The following CYSRT1 variants were observed in gnomAD, a reference collection of about 807,000 sequenced individuals.
CYSRT1 encodes the protein cysteine-rich tail protein 1.
A neutral mutation model predicts 6.2 loss-of-function variants in CYSRT1; 7 were observed. That is an observed-to-expected ratio of 1.13 (90% confidence interval 0.64 to 2.13). CYSRT1 has a LOEUF of 2.13. Ranked by LOEUF, CYSRT1 falls within the 30% of genes most tolerant of loss-of-function variation. The probability of loss-of-function intolerance (pLI) is 0.00; values close to 1 mark genes in which losing one functional copy is unlikely to be tolerated. For synonymous variants in CYSRT1, 75 were observed against 83.1 expected (o/e 0.90, Z 0.53); for missense variants, 188 against 196.4 (o/e 0.96, Z 0.26).
chr9:137,226,143 C>A lies in CYSRT1; in HGVS notation c.*87C>A. ...GGACATGCCGGGACATGCGGGGTGG[C>A]TGTTGTCATGGGCGTCTGCCCCTTC... On this transcript the variant is annotated 3_prime_UTR_variant, in exon 2 of 2. Coordinates refer to ENST00000650725, the MANE Select transcript of CYSRT1 (RefSeq NM_199001.5). 1 of 1,492,244 alleles carries A rather than the reference C, an allele frequency of 6.7e-7. No individual in the cohort carries two copies. The highest frequency in any genetic ancestry group is 2.5e-5 in the East Asian group (1 of 39,984). 92.4% of individuals were successfully genotyped at this position (1,492,244 alleles called of 1,614,324 possible).
intron 1 of CYSRT1, 27 bp from the exon 2 acceptor site, chr9:137,225,587 G>A: frequency 6.5e-7 from 1 of 1,536,504 alleles, no homozygotes; most frequent in Non-Finnish European, 8.8e-7. Context: ...CTGAGTTCAT[G>A]TCTGTCTTCT....
In CYSRT1 at chr9:137,226,101, T is replaced by C; in HGVS notation, c.*45T>C. The C allele has an allele frequency of 6.5e-7, 1 of 1,531,374 alleles. No individual in the cohort carries two copies. The highest frequency in any genetic ancestry group is 8.8e-7 in the Non-Finnish European group (1 of 1,133,900). 94.9% of individuals were successfully genotyped at this position (1,531,374 alleles called of 1,614,324 possible). On this transcript the variant is annotated 3_prime_UTR_variant, in exon 2 of 2. Transcript: ENST00000650725. ...GCCAGGACCCAGACTTCAGCAAATG[T>C]GGCTCACACAGTGCCGGGACATGCC...
rs1835960729 is a variant in CYSRT1, at chr9:137,225,842, G to A, written c.221G>A (p.Gly74Glu). ...PGPKGAKGNQ[G>E]AAPIQNQQAW... Reference sequence around the variant, plus strand: ...CCCAAGGGCGCCAAGGGTAACCAGGGGGCTGCCCCCATCCAGAACCAGCAG... The same window carrying A: ...CCCAAGGGCGCCAAGGGTAACCAGGAGGCTGCCCCCATCCAGAACCAGCAG... The change falls in exon 2 of 2, where the codon GGG becomes GAG. Residue 74 changes from glycine (G) to glutamate (E), a missense_variant. Physicochemically the swap from Gly to Glu is moderately conservative, Grantham distance 98 (BLOSUM62 -2). Coordinates refer to ENST00000650725, the MANE Select transcript of CYSRT1 (RefSeq NM_199001.5). 1.3e-6 allele frequency: 2 copies of A among 1,547,616 alleles called. No individual in the cohort carries two copies. Among genetic ancestry groups the A allele is most frequent in the Non-Finnish European group, 1.7e-6 (2 of 1,146,854 alleles).
rs1835974576 is a variant in CYSRT1, at chr9:137,226,253, G to A, written c.*197G>A. The A allele has an allele frequency of 3.0e-5, 30 of 1,009,002 alleles. No individual in the cohort carries two copies. The South Asian group carries it at 5.2e-4, about 17-fold the overall frequency. The allele number at this position is 1,009,002 out of a possible 1,614,324, so 62.5% of individuals were successfully genotyped here. A position where few individuals can be genotyped will look rare whatever the true frequency, so the allele number is the denominator to read the frequency against. ...AACGGAATCCCAGGTCCTGGCTGGA[G>A]AGGGACACCCCTGATTACCTTAAGG... On this transcript the variant is annotated 3_prime_UTR_variant, in exon 2 of 2. Transcript: ENST00000650725.
Position 137,225,944 on chromosome 9 carries a change from C to T in CYSRT1, c.323C>T (p.Ala108Val), listed in dbSNP as rs6606566. The T allele has an allele frequency of 0.8, 1,241,931 of 1,547,456 alleles. 499,387 individuals are homozygous for T. Among genetic ancestry groups the T allele is most frequent in the East Asian group, 0.92 (37,714 of 40,896 alleles). Residue 108 changes from alanine to valine, a missense_variant, in exon 2 of 2, where the codon GCG (alanine) becomes GTG (valine). Physicochemically the swap from Ala to Val is moderately conservative, Grantham distance 64. Coordinates refer to ENST00000650725, the MANE Select transcript of CYSRT1 (RefSeq NM_199001.5). ...AGLTYAGPPPAGRGDDIAHHC... is the reference protein window; with the variant it reads ...AGLTYAGPPPVGRGDDIAHHC... ...CTGACCTACGCTGGCCCTCCGCCCG[C>T]GGGGCGCGGGGATGACATCGCCCAC...
Position 137,225,714 on chromosome 9 carries a change from G to C in CYSRT1, c.93G>C (p.Glu31Asp), listed in dbSNP as rs1171861897. Residue 31 changes from glutamate to aspartate, a missense_variant, in exon 2 of 2, where the codon GAG (glutamate) becomes GAC (aspartate). Glu to Asp is a conservative substitution (Grantham distance 45). Coordinates refer to ENST00000650725, the MANE Select transcript of CYSRT1 (RefSeq NM_199001.5). The stretch of plus-strand genomic sequence containing the variant: ...GGCCTGACCTGGGGCAGCAGTTAGA[G>C]GTGGCTTCCACCTGTTCCTCATCCT... ...HLRPDLGQQL[E>D]VASTCSSSSE... 1.3e-6 allele frequency: 2 copies of C among 1,550,252 alleles called. No individual in the cohort carries two copies. The highest frequency in any genetic ancestry group is 3.9e-5 in the Admixed American group (2 of 50,986).
chr9:137,225,933 C>A lies in CYSRT1; in HGVS notation c.312C>A (p.Gly104=). 1.9e-6 allele frequency: 3 copies of A among 1,547,198 alleles called. No homozygotes were observed. Among genetic ancestry groups the A allele is most frequent in the Non-Finnish European group, 2.6e-6 (3 of 1,146,498 alleles). The change falls in exon 2 of 2, where the codon GGC becomes GGA. Residue 104 remains glycine, a synonymous_variant. Coordinates refer to ENST00000650725, the MANE Select transcript of CYSRT1 (RefSeq NM_199001.5). ...GCCAGGCCGGACTGACCTACGCTGG[C>A]CCTCCGCCCGCGGGGCGCGGGGATG... ...SQRQAGLTYA[G]PPPAGRGDDI... is the part of the protein sequence containing the mutation.
chr9:137,225,971 A>ACTG lies in CYSRT1; in HGVS notation c.361_363dup (p.Cys121dup). On this transcript the variant is annotated inframe_insertion, in exon 2 of 2. Coordinates refer to ENST00000650725, the MANE Select transcript of CYSRT1 (RefSeq NM_199001.5). ...GGGCGCGGGGATGACATCGCCCACC[A>ACTG]CTGCTGCTGCTGCCCCTGCTGCCAC... 1 of 1,546,944 alleles carries ACTG rather than the reference A, an allele frequency of 6.5e-7. No individual in the cohort carries two copies. The highest frequency in any genetic ancestry group is 8.7e-7 in the Non-Finnish European group (1 of 1,145,160).
chr9:137,226,099 T>A lies in CYSRT1; in HGVS notation c.*43T>A. 6.5e-7 allele frequency: 1 copy of A among 1,533,198 alleles called. No homozygotes were observed. The highest frequency in any genetic ancestry group is 2.0e-5 in the Admixed American group (1 of 50,364). 95.0% of individuals were successfully genotyped at this position (1,533,198 alleles called of 1,614,324 possible). On this transcript the variant is annotated 3_prime_UTR_variant, in exon 2 of 2. Coordinates refer to ENST00000650725, the MANE Select transcript of CYSRT1 (RefSeq NM_199001.5). The stretch of plus-strand genomic sequence containing the variant: ...GGGCCAGGACCCAGACTTCAGCAAA[T>A]GTGGCTCACACAGTGCCGGGACATG...
Position 137,226,000 on chromosome 9 carries a change from T to C in CYSRT1, c.379T>C (p.Cys127Arg). Residue 127 changes from cysteine to arginine, a missense_variant, in exon 2 of 2, where the codon TGC (cysteine) becomes CGC (arginine). Physicochemically the swap from Cys to Arg is radical, Grantham distance 180. Coordinates refer to ENST00000650725, the MANE Select transcript of CYSRT1 (RefSeq NM_199001.5). ...CTGCTGCTGCCCCTGCTGCCACTGCTGCCACTGCCCCCCCTTCTGCCGCTG... is the reference window on the plus strand; with the variant it reads ...CTGCTGCTGCCCCTGCTGCCACTGCCGCCACTGCCCCCCCTTCTGCCGCTG... ...HCCCCPCCHC[C>R]HCPPFCRCHS... The C allele has an allele frequency of 1.3e-6, 2 of 1,549,140 alleles. No individual in the cohort carries two copies. The highest frequency in any genetic ancestry group is 8.7e-7 in the Non-Finnish European group (1 of 1,146,688).
Position 137,225,243 on chromosome 9 carries a change from T to C in CYSRT1, c.-9+10T>C. The C allele has an allele frequency of 1.3e-6, 2 of 1,545,800 alleles. No individual in the cohort carries two copies. Among genetic ancestry groups the C allele is most frequent in the Non-Finnish European group, 1.8e-6 (2 of 1,142,780 alleles). ...CGTGTTGCCACCACAGGTAAGCCCT[T>C]GGCCGCCGGGACTGCCCTGAACTCA... is the stretch of plus-strand genomic sequence containing the variant. On this transcript the variant is annotated intron_variant, in intron 1 of 1. Coordinates refer to ENST00000650725, the MANE Select transcript of CYSRT1 (RefSeq NM_199001.5).
At chr9:137,225,411 GCTTGCTCACA>G (rs1369629506) in intron 1 of CYSRT1, among the ~76,000 whole-genome samples, 178 bp downstream of exon 1, 1 of 152,256 alleles carries the variant, frequency 6.6e-6, no homozygotes, top group African/African-American at 2.4e-5. Context: ...GGCCCTTGCT[GCTTGCTCACA>G]CTTGGCTCAC....
In CYSRT1 at chr9:137,225,850, C is replaced by G; in HGVS notation, c.229C>G (p.Pro77Ala). ...KGAKGNQGAA[P>A]IQNQQAWQQP... ...CGCCAAGGGTAACCAGGGGGCTGCC[C>G]CCATCCAGAACCAGCAGGCCTGGCA... is the stretch of plus-strand genomic sequence containing the variant. Residue 77 changes from proline to alanine, a missense_variant, in exon 2 of 2, where the codon CCC (proline) becomes GCC (alanine). Physicochemically the swap from Pro to Ala is conservative, Grantham distance 27. Transcript: ENST00000650725. The G allele has an allele frequency of 6.5e-7, 1 of 1,547,100 alleles. No homozygotes were observed. Among genetic ancestry groups the G allele is most frequent in the Non-Finnish European group, 8.7e-7 (1 of 1,146,864 alleles).
rs1835970898 is a variant in CYSRT1, at chr9:137,226,135, CG to C, written c.*83del. Reference sequence around the variant, plus strand: ...CAGTGCCGGGACATGCCGGGACATGCGGGGTGGCTGTTGTCATGGGCGTCTG... The same window carrying C: ...CAGTGCCGGGACATGCCGGGACATGCGGGTGGCTGTTGTCATGGGCGTCTG... On this transcript the variant is annotated 3_prime_UTR_variant, in exon 2 of 2. Transcript: ENST00000650725. The C allele has an allele frequency of 3.3e-6, 5 of 1,497,890 alleles. No individual in the cohort carries two copies. The African/African-American group carries it at 4.2e-5, about 12-fold the overall frequency. The allele number at this position is 1,497,890 out of a possible 1,614,324, so 92.8% of individuals were successfully genotyped here.
At chr9:137,225,496 G>C (rs1056134803) in intron 1 of CYSRT1, 118 bp from the exon 2 acceptor site, 40 of 1,449,000 alleles carry the variant, frequency 2.8e-5, no homozygotes, top group Non-Finnish European at 3.4e-5. Flanking sequence ...ATGCCTTGGG[G>C]ATGCTGAGCT....
rs551927370 is a variant in CYSRT1, at chr9:137,225,218, C to T, written c.-24C>T. 17 of 1,550,206 alleles carry T rather than the reference C, an allele frequency of 1.1e-5. No individual in the cohort carries two copies. Among genetic ancestry groups the T allele is most frequent in the African/African-American group, 2.7e-5 (2 of 73,182 alleles). ...TCAGAAGACCGAGAGGACAGACTGC[C>T]GTGTTGCCACCACAGGTAAGCCCTT... On this transcript the variant is annotated 5_prime_UTR_variant, in exon 1 of 2. Coordinates refer to ENST00000650725, the MANE Select transcript of CYSRT1 (RefSeq NM_199001.5).
chr9:137,225,685 CT>C lies in CYSRT1; in HGVS notation c.65del (p.Leu22ArgfsTer9), dbSNP rs1835954676. On this transcript the variant is annotated frameshift_variant, in exon 2 of 2. Coordinates refer to ENST00000650725, the MANE Select transcript of CYSRT1 (RefSeq NM_199001.5). LOFTEE classifies it low-confidence loss of function (END_TRUNC). ...CCACATCAGCATCCCCCGGGCTCAC[CT>C]GCGGCCTGACCTGGGGCAGCAGTTA... The part of the protein sequence containing the change: ...YAHISIPRAH[L>X]RPDLGQQLEV... 1 of 1,550,342 alleles carries C rather than the reference CT, an allele frequency of 6.5e-7. No homozygotes were observed. The highest frequency in any genetic ancestry group is 2.4e-5 in the East Asian group (1 of 40,928).
rs556949386 is a variant in CYSRT1 at position 137,225,228 on chromosome 9, C to G, written c.-14C>G. ...GAGAGGACAGACTGCCGTGTTGCCA[C>G]CACAGGTAAGCCCTTGGCCGCCGGG... is the stretch of plus-strand genomic sequence containing the variant. On this transcript the variant is annotated 5_prime_UTR_variant, in exon 1 of 2. Transcript: ENST00000650725. 2.1e-3 allele frequency: 3,229 copies of G among 1,549,728 alleles called. 10 individuals are homozygous for G. The highest frequency in any genetic ancestry group is 2.5e-3 in the Non-Finnish European group (2,810 of 1,146,292).
At position 137,226,012 on chromosome 9, in the gene CYSRT1, C is replaced by T. The variant is rs754974022; in HGVS notation, c.391C>T (p.Pro131Ser). The stretch of plus-strand genomic sequence containing the variant: ...CTGCTGCCACTGCTGCCACTGCCCC[C>T]CCTTCTGCCGCTGCCACAGCTGCTG... ...CPCCHCCHCP[P>S]FCRCHSCCCC... The change falls in exon 2 of 2, where the codon CCC becomes TCC. Residue 131 changes from proline to serine, a missense_variant. Coordinates refer to ENST00000650725, the MANE Select transcript of CYSRT1 (RefSeq NM_199001.5). 5 of 1,549,148 alleles carry T rather than the reference C, an allele frequency of 3.2e-6. No homozygotes were observed. The South Asian group carries it at 6.0e-5, about 18-fold the overall frequency.
Sources: gnomAD v4.1 joint callset for allele counts (sites outside exome capture counted in the v4.1 genomes callset) on GRCh38, gnomAD v4.1.1 for gene constraint, MANE v1.5 for transcripts, NCBI Gene and HGNC (gene_info 2026-07-23, HGNC 2026-07-21) for gene names.